The following SPAG16 variants were observed in gnomAD, a reference collection of about 807,000 sequenced individuals.
SPAG16 encodes sperm-associated antigen 16 protein.
A neutral mutation model predicts 80.4 loss-of-function variants in SPAG16; 86 were observed. The ratio of observed to expected loss-of-function variants is 1.07; its 90% CI spans 0.90 to 1.28. SPAG16 has a LOEUF of 1.28. Ranked by LOEUF, SPAG16 falls within the 50% of genes most tolerant of loss-of-function variation. The probability of loss-of-function intolerance (pLI) is 0.00; values close to 1 mark genes in which losing one functional copy is unlikely to be tolerated. For missense variants in SPAG16, 870 were observed against 765.3 expected (o/e 1.14, Z -1.61); for synonymous variants, 294 against 265.9 (o/e 1.11, Z -1.03).
chr2:213,752,675 C>G (rs1023388290), intron 10 of SPAG16, among the ~76,000 whole-genome samples: 2 of 152,174 alleles, frequency 1.3e-5, no homozygotes, highest in African/African-American at 4.8e-5. Context: ...TACTCTTTTT[C>G]TCTGCTTTGT....
At chr2:214,383,570 C>CAAAAAAAAAA (rs374925663) in intron 15 of SPAG16, among the ~76,000 whole-genome samples, 2 of 59,454 alleles carry the variant, frequency 3.4e-5, no homozygotes, top group African/African-American at 4.8e-5. Flanking sequence ...GACTTCATCT[C>CAAAAAAAAAA]AAAAAAAAAG....
intron 10 of SPAG16, among the ~76,000 whole-genome samples, chr2:213,579,568 G>C (rs901636405): frequency 6.6e-5 from 10 of 152,024 alleles, no homozygotes; most frequent in African/African-American, 2.4e-4. Flanking sequence ...TTGTAGATAG[G>C]ATCCATTAAA....
intron 15 of SPAG16, among the ~76,000 whole-genome samples, chr2:214,322,050 G>T (rs568683690): frequency 2.6e-5 from 4 of 152,134 alleles, no homozygotes; most frequent in African/African-American, 4.8e-5. Context: ...AAACATAGTT[G>T]TATGAAAAGA....
intron 15 of SPAG16, among the ~76,000 whole-genome samples, chr2:214,370,471 A>G (rs928251174): frequency 2.0e-5 from 3 of 152,172 alleles, no homozygotes; most frequent in Non-Finnish European, 4.4e-5. Flanking sequence ...ATATAAATTT[A>G]TGGTGTACAA....
chr2:213,863,776 C>G (rs759343246), intron 11 of SPAG16, among the ~76,000 whole-genome samples: 1 of 152,106 alleles, frequency 6.6e-6, no homozygotes, highest in Non-Finnish European at 1.5e-5. Flanking sequence ...GCCAGTGACT[C>G]AGAGATTTTC....
chr2:214,250,659 ATTATATAT>A (rs1280982284), intron 15 of SPAG16, among the ~76,000 whole-genome samples: 1 of 140,476 alleles, frequency 7.1e-6, no homozygotes, highest in Admixed American at 7.3e-5. Flanking sequence ...CTATTTATAT[ATTATATAT>A]TTATATATTA....
intron 1 of SPAG16, among the ~76,000 whole-genome samples, chr2:213,290,218 G>T (rs2062215847): frequency 6.6e-6 from 1 of 152,198 alleles, no homozygotes; most frequent in Non-Finnish European, 1.5e-5. Flanking sequence ...TAAATACCAG[G>T]AAACTAATTC....
intron 10 of SPAG16, among the ~76,000 whole-genome samples, chr2:213,649,379 G>A (rs1454773098): frequency 6.6e-6 from 1 of 152,218 alleles, no homozygotes; most frequent in Non-Finnish European, 1.5e-5. Flanking sequence ...GTAGCTGGGT[G>A]ATGACTGTTC....
intron 7 of SPAG16, among the ~76,000 whole-genome samples, chr2:213,356,000 G>A (rs1474385409): frequency 6.6e-6 from 1 of 152,158 alleles, no homozygotes; most frequent in East Asian, 1.9e-4. Flanking sequence ...GATATTGGCT[G>A]TGGGTTTGTC....
intron 9 of SPAG16, among the ~76,000 whole-genome samples, chr2:213,423,025 TTG>T (rs2069692072): frequency 6.6e-6 from 1 of 152,254 alleles, no homozygotes. Context: ...CACTAGAAGC[TTG>T]TCTTTTATTG....
chr2:213,766,988 A>G (rs2068969797), intron 10 of SPAG16, among the ~76,000 whole-genome samples: 1 of 152,130 alleles, frequency 6.6e-6, no homozygotes, highest in Non-Finnish European at 1.5e-5. Context: ...AATCATGGAT[A>G]GGTTTTCAGT....
At chr2:213,589,402 C>A (rs1576099741) in intron 10 of SPAG16, among the ~76,000 whole-genome samples, 1 of 152,176 alleles carries the variant, frequency 6.6e-6, no homozygotes, top group Non-Finnish European at 1.5e-5. Flanking sequence ...TTTTTCAAAT[C>A]AATTAGAATA....
intron 12 of SPAG16, among the ~76,000 whole-genome samples, chr2:213,979,397 A>G (rs2045580647): frequency 6.6e-6 from 1 of 152,126 alleles, no homozygotes; most frequent in Admixed American, 6.6e-5. Context: ...ACTGCTATAA[A>G]GAACTGCCCG....
intron 12 of SPAG16, among the ~76,000 whole-genome samples, chr2:213,979,998 T>C (rs2045611998): frequency 6.6e-6 from 1 of 151,878 alleles, no homozygotes; most frequent in East Asian, 1.9e-4. Context: ...TGTTTTTGTT[T>C]GCAATAAACA....
At chr2:214,408,773 A>AAG (rs1702138125) in intron 15 of SPAG16, among the ~76,000 whole-genome samples, 1 of 152,162 alleles carries the variant, frequency 6.6e-6, no homozygotes, top group Admixed American at 6.5e-5. Context: ...CAATGGCTAA[A>AAG]AGCCCAGGCT....
Position 213,541,452 on chromosome 2 carries a change from C to T in SPAG16, c.1070+51362C>T, listed in dbSNP as rs62192352. On this transcript the variant is annotated intron_variant, in intron 10 of 15. Coordinates refer to ENST00000331683, the MANE Select transcript of SPAG16 (RefSeq NM_024532.5). Reference sequence around the variant, plus strand: ...TGGCCAACATGGTGAAATCTCTTCTCTACTAAAAATAACAAAAATTAGCCT... The same window carrying T: ...TGGCCAACATGGTGAAATCTCTTCTTTACTAAAAATAACAAAAATTAGCCT... Among the ~76,000 whole-genome samples the T allele has an allele frequency of 5.8e-3, 879 of 152,072 alleles. 4 individuals carry two copies. The highest frequency in any genetic ancestry group is 9.9e-3 in the Non-Finnish European group (675 of 67,952).
chr2:213,992,416 TG>T (rs760308515), intron 12 of SPAG16, among the ~76,000 whole-genome samples: 10 of 152,142 alleles, frequency 6.6e-5, no homozygotes, highest in Non-Finnish European at 1.5e-4. Context: ...TTGGTGTAGT[TG>T]GGCCTGAGCA....
chr2:213,670,220 T>A (rs1190989356), intron 10 of SPAG16, among the ~76,000 whole-genome samples: 1 of 151,930 alleles, frequency 6.6e-6, no homozygotes, highest in Admixed American at 6.6e-5. Context: ...ATGGTCTCGA[T>A]CTCCTGACCT....
intron 14 of SPAG16, among the ~76,000 whole-genome samples, chr2:214,108,965 G>A (rs2053536254): frequency 6.6e-6 from 1 of 152,128 alleles, no homozygotes; most frequent in Non-Finnish European, 1.5e-5. Context: ...AGAGTGTTTG[G>A]AGGTGGAGCC....
Sources: gnomAD v4.1 joint callset for allele counts (sites outside exome capture counted in the v4.1 genomes callset) on GRCh38, gnomAD v4.1.1 for gene constraint, MANE v1.5 for transcripts, NCBI Gene and HGNC (gene_info 2026-07-23, HGNC 2026-07-21) for gene names.